The following FLRT2 variants were observed in gnomAD, a reference collection of about 807,000 sequenced individuals.
FLRT2 encodes the protein leucine-rich repeat transmembrane protein FLRT2.
FLRT2 carries 15 observed loss-of-function variants against 40.0 expected under a neutral mutation model. That is an observed-to-expected ratio of 0.38 (90% CI 0.25 to 0.58). FLRT2 has a LOEUF of 0.58. Among genes scored for constraint, FLRT2 ranks in the 20% least tolerant of loss-of-function variants. FLRT2 has a pLI of 0.71. For missense variants in FLRT2, 726 were observed against 840.0 expected (o/e 0.86, Z 1.68); for synonymous variants, 380 against 336.8 (o/e 1.13, Z -1.41).
chr14:85,597,794 C>A (rs1892208232), intron 1 of FLRT2, among the ~76,000 whole-genome samples: 1 of 152,136 alleles, frequency 6.6e-6, no homozygotes, highest in Non-Finnish European at 1.5e-5. Context: ...TTCAGAGACA[C>A]AATTACTTCT....
At position 85,644,852 on chromosome 14, in the gene FLRT2, A is replaced by G. The variant is rs146536780; in HGVS notation, c.*21355A>G. On this transcript the variant is annotated 3_prime_UTR_variant, in exon 2 of 2. Transcript: ENST00000330753. ...AATGATCCAGCAAATTCAACGGTGC[A>G]TAAAATGTTTCAGGCAGATGGTCAT... is the stretch of plus-strand genomic sequence containing the variant. 9.2e-5 allele frequency: 14 copies of G among 152,256 alleles called. No homozygotes were observed. In the East Asian group the frequency reaches 2.3e-3, roughly 25 times the overall value. The allele number at this position is 152,256 out of a possible 1,614,324, so 9.4% of individuals were successfully genotyped here.
In FLRT2 at chr14:85,653,985, G is replaced by A. The variant is rs966377071; in HGVS notation, c.*30488G>A. On this transcript the variant is annotated 3_prime_UTR_variant, in exon 2 of 2. Coordinates refer to ENST00000330753, the MANE Select transcript of FLRT2 (RefSeq NM_013231.6). The stretch of plus-strand genomic sequence containing the variant: ...TCCTAAATGCTATTGCTCACCTCAA[G>A]TCAATGTCACTTTGTATTAATGGAT... The A allele has an allele frequency of 1.3e-5, 2 of 152,118 alleles. No individual in the cohort carries two copies. The highest frequency in any genetic ancestry group is 1.9e-4 in the East Asian group (1 of 5,204). 9.4% of individuals were successfully genotyped at this position (152,118 alleles called of 1,614,324 possible).
At chr14:85,620,338 A>G (rs1057076610) in intron 1 of FLRT2, among the ~76,000 whole-genome samples, 29 of 152,260 alleles carry the variant, frequency 1.9e-4, no homozygotes, top group African/African-American at 6.5e-4. Context: ...TAATGATTCC[A>G]ATTTTGTTAA....
At chr14:85,598,434 T>C (rs1245270997) in intron 1 of FLRT2, among the ~76,000 whole-genome samples, 2 of 152,280 alleles carry the variant, frequency 1.3e-5, no homozygotes, top group East Asian at 3.9e-4. Flanking sequence ...ATTCTAAACT[T>C]AGATTTTCAA....
At chr14:85,554,220 A>G (rs919884857) in intron 1 of FLRT2, among the ~76,000 whole-genome samples, 36 of 152,352 alleles carry the variant, frequency 2.4e-4, no homozygotes, top group Non-Finnish European at 4.3e-4. Context: ...GAAGCCTCAT[A>G]TACCAGAAAG....
In FLRT2 at chr14:85,637,559, G is replaced by A. The variant is rs1042379615; in HGVS notation, c.*14062G>A. The A allele has an allele frequency of 3.9e-5, 6 of 152,094 alleles. No individual in the cohort carries two copies. Among genetic ancestry groups the A allele is most frequent in the Admixed American group, 3.3e-4 (5 of 15,270 alleles). The allele number at this position is 152,094 out of a possible 1,614,324, so 9.4% of individuals were successfully genotyped here. On this transcript the variant is annotated 3_prime_UTR_variant, in exon 2 of 2. Transcript: ENST00000330753. ...CTTTCCACAATCGTCTGTCACTCCC[G>A]GTAGAACTAAGTGATTTTCCATGCT...
rs1426382855 is a variant in FLRT2 at position 85,642,363 on chromosome 14, A to T, written c.*18866A>T. ...AGTCCGATGAGCCTTCTTTGCCAGTAGAACTCCTTCATCTCTGTTATATAA... is the reference window on the plus strand; with the variant it reads ...AGTCCGATGAGCCTTCTTTGCCAGTTGAACTCCTTCATCTCTGTTATATAA... On this transcript the variant is annotated 3_prime_UTR_variant, in exon 2 of 2. Coordinates refer to ENST00000330753, the MANE Select transcript of FLRT2 (RefSeq NM_013231.6). 1.3e-5 allele frequency: 2 copies of T among 152,156 alleles called. No individual in the cohort carries two copies. Among genetic ancestry groups the T allele is most frequent in the African/African-American group, 4.8e-5 (2 of 41,442 alleles). The allele number at this position is 152,156 out of a possible 1,614,324, so 9.4% of individuals were successfully genotyped here.
chr14:85,610,438 C>A (rs1318642227), intron 1 of FLRT2, among the ~76,000 whole-genome samples: 1 of 152,192 alleles, frequency 6.6e-6, no homozygotes, highest in Non-Finnish European at 1.5e-5. Flanking sequence ...TTTACCTTCT[C>A]ACCATACCTT....
Position 85,641,624 on chromosome 14 carries a change from T to C in FLRT2, c.*18127T>C, listed in dbSNP as rs1054276533. On this transcript the variant is annotated 3_prime_UTR_variant, in exon 2 of 2. Coordinates refer to ENST00000330753, the MANE Select transcript of FLRT2 (RefSeq NM_013231.6). ...CTCCCCTTTCCAATTCATTCCCTGA[T>C]TTTGTGCACACCTAATACTTATATT... 6.6e-5 allele frequency: 10 copies of C among 152,222 alleles called. No individual in the cohort carries two copies. The highest frequency in any genetic ancestry group is 1.9e-4 in the East Asian group (1 of 5,184). 9.4% of individuals were successfully genotyped at this position (152,222 alleles called of 1,614,324 possible). A position where few individuals can be genotyped will look rare whatever the true frequency, so the allele number is the denominator to read the frequency against.
In FLRT2 at chr14:85,625,112, A is replaced by C. The variant is rs1893617796; in HGVS notation, c.*1615A>C. The stretch of plus-strand genomic sequence containing the variant: ...ACTTTTGAGACAACACCTTCAGAAA[A>C]CACATAATTTAATCTTTGCCATCCT... On this transcript the variant is annotated 3_prime_UTR_variant, in exon 2 of 2. Coordinates refer to ENST00000330753, the MANE Select transcript of FLRT2 (RefSeq NM_013231.6). 1 of 167,080 alleles carries C rather than the reference A, an allele frequency of 6.0e-6. No individual in the cohort carries two copies. The highest frequency in any genetic ancestry group is 1.5e-5 in the Non-Finnish European group (1 of 68,120). The allele number at this position is 167,080 out of a possible 1,614,324, so 10.3% of individuals were successfully genotyped here. A position where few individuals can be genotyped will look rare whatever the true frequency, so the allele number is the denominator to read the frequency against.
Position 85,621,781 on chromosome 14 carries a change from G to A in FLRT2, c.267G>A (p.Ser89=), listed in dbSNP as rs77099788. The change falls in exon 2 of 2, where the codon TCG becomes TCA. Residue 89 remains serine, a synonymous_variant. Transcript: ENST00000330753. ...GFPAELHNVQ[S]VHTVYLYGNQ... Reference sequence around the variant, plus strand: ...CTGCAGAACTGCACAATGTACAGTCGGTGCACACGGTCTACCTGTATGGCA... The same window carrying A: ...CTGCAGAACTGCACAATGTACAGTCAGTGCACACGGTCTACCTGTATGGCA... 7.8e-4 allele frequency: 1,262 copies of A among 1,614,116 alleles called. 12 individuals are homozygous for A. In the East Asian group the frequency reaches 0.022, roughly 29 times the overall value.
At chr14:85,572,558 A>G (rs1417566089) in intron 1 of FLRT2, among the ~76,000 whole-genome samples, 1 of 152,202 alleles carries the variant, frequency 6.6e-6, no homozygotes, top group Non-Finnish European at 1.5e-5. Context: ...CTAACTGATT[A>G]TAAGACAGTT....
Position 85,645,115 on chromosome 14 carries a change from GGCA to G in FLRT2, c.*21623_*21625del, listed in dbSNP as rs1894260488. On this transcript the variant is annotated 3_prime_UTR_variant, in exon 2 of 2. Coordinates refer to ENST00000330753, the MANE Select transcript of FLRT2 (RefSeq NM_013231.6). ...TCAACCAACCATAAAGTTGAGCTTG[GGCA>G]GCAGAACTCCTACATCAAGTAAAAA... 1 of 151,298 alleles carries G rather than the reference GGCA, an allele frequency of 6.6e-6. No homozygotes were observed. The highest frequency in any genetic ancestry group is 2.4e-5 in the African/African-American group (1 of 40,860). The allele number at this position is 151,298 out of a possible 1,614,324, so 9.4% of individuals were successfully genotyped here. A position where few individuals can be genotyped will look rare whatever the true frequency, so the allele number is the denominator to read the frequency against.
chr14:85,602,819 T>C (rs1349593257), intron 1 of FLRT2, among the ~76,000 whole-genome samples: 1 of 152,144 alleles, frequency 6.6e-6, no homozygotes, highest in Admixed American at 6.5e-5. Context: ...ATGGAACAAA[T>C]AAACCATTTG....
chr14:85,583,591 C>A (rs1386923707), intron 1 of FLRT2, among the ~76,000 whole-genome samples: 1 of 152,148 alleles, frequency 6.6e-6, no homozygotes, highest in East Asian at 1.9e-4. Flanking sequence ...CCTAGCACAG[C>A]CCTGGACTCC....
At chr14:85,539,128 C>A (rs1888836823) in intron 1 of FLRT2, among the ~76,000 whole-genome samples, 1 of 151,934 alleles carries the variant, frequency 6.6e-6, no homozygotes, top group African/African-American at 2.4e-5. Flanking sequence ...CACTCCGGGC[C>A]CTTACATTTT....
At chr14:85,603,506 A>G (rs1892471926) in intron 1 of FLRT2, among the ~76,000 whole-genome samples, 1 of 152,178 alleles carries the variant, frequency 6.6e-6, no homozygotes, top group Non-Finnish European at 1.5e-5. Context: ...AACTTCTGAT[A>G]ATAGATGATG....
Position 85,628,512 on chromosome 14 carries a change from C to T in FLRT2, c.*5015C>T, listed in dbSNP as rs1048595862. 6.6e-6 allele frequency: 1 copy of T among 152,156 alleles called. No individual in the cohort carries two copies. The highest frequency in any genetic ancestry group is 1.9e-4 in the East Asian group (1 of 5,184). 9.4% of individuals were successfully genotyped at this position (152,156 alleles called of 1,614,324 possible). A position where few individuals can be genotyped will look rare whatever the true frequency, so the allele number is the denominator to read the frequency against. ...CTTTTCTGCCGCAGAATTTATAGCA[C>T]ATCTGTCCATCCTTTCAATAGGCAC... On this transcript the variant is annotated 3_prime_UTR_variant, in exon 2 of 2. Coordinates refer to ENST00000330753, the MANE Select transcript of FLRT2 (RefSeq NM_013231.6).
At chr14:85,583,213 C>A (rs1352309413) in intron 1 of FLRT2, among the ~76,000 whole-genome samples, 1 of 152,104 alleles carries the variant, frequency 6.6e-6, no homozygotes, top group Non-Finnish European at 1.5e-5. Flanking sequence ...ACAGGAAATA[C>A]AAGGGAGATT....
Sources: gnomAD v4.1 joint callset for allele counts (sites outside exome capture counted in the v4.1 genomes callset) on GRCh38, gnomAD v4.1.1 for gene constraint, MANE v1.5 for transcripts, NCBI Gene and HGNC (gene_info 2026-07-23, HGNC 2026-07-21) for gene names.